The following SHC3 variants were observed in gnomAD, a reference collection of about 807,000 sequenced individuals.
SHC3 encodes the protein SHC-transforming protein 3.
Under a neutral mutation model 60.4 loss-of-function variants are expected in SHC3, and 15 were observed. The observed-to-expected ratio is 0.25, with a 90% CI of 0.17 to 0.38. The LOEUF (loss-of-function observed/expected upper bound fraction) is 0.38, where lower values mean the gene tolerates loss of function less well. Among genes scored for constraint, SHC3 ranks in the 10% least tolerant of loss-of-function variants. The pLI, the probability that SHC3 is intolerant of heterozygous loss-of-function variation, is 1.00. For synonymous variants in SHC3, 294 were observed against 325.9 expected (o/e 0.90, Z 1.05); for missense variants, 677 against 786.1 (o/e 0.86, Z 1.66).
intron 1 of SHC3, among the ~76,000 whole-genome samples, chr9:89,124,989 G>A (rs148198445): frequency 1.1e-3 from 175 of 152,228 alleles, no homozygotes; most frequent in African/African-American, 4.1e-3. Context: ...AAAGACCTTA[G>A]AATTTACTAG....
At chr9:89,050,440 C>G (rs1163263588) in intron 7 of SHC3, among the ~76,000 whole-genome samples, 1 of 152,144 alleles carries the variant, frequency 6.6e-6, no homozygotes, top group Non-Finnish European at 1.5e-5. Flanking sequence ...CATGCATCAC[C>G]ATGCCCAACT....
At position 89,178,200 on chromosome 9, in the gene SHC3, G is replaced by A. The variant is rs552969480; in HGVS notation, c.261C>T (p.Ala87=). Residue 87 remains alanine, a synonymous_variant, in exon 1 of 12, where the codon GCC becomes GCT. Coordinates refer to ENST00000375835, the MANE Select transcript of SHC3 (RefSeq NM_016848.6). The surrounding 1 kb of genome is among the most constrained non-coding windows in gnomAD (Gnocchi z 6.9). ...SSSGLRGLSS[A]ARERAGARLS... ...GCCGCGCGCCCGCCCGCTCCCGGGCGGCCGACGACAGGCCGCGGAGGCCCG... is the reference window on the plus strand; with the variant it reads ...GCCGCGCGCCCGCCCGCTCCCGGGCAGCCGACGACAGGCCGCGGAGGCCCG... 362 of 1,372,420 alleles carry A rather than the reference G, an allele frequency of 2.6e-4. No homozygotes were observed. Among genetic ancestry groups the A allele is most frequent in the African/African-American group, 9.0e-4 (59 of 65,876 alleles). 85.0% of individuals were successfully genotyped at this position (1,372,420 alleles called of 1,614,324 possible).
rs888013382 is a variant in SHC3, at chr9:89,069,705, G to A, written c.783+1494C>T. On this transcript the variant is annotated intron_variant, in intron 5 of 11. Coordinates refer to ENST00000375835, the MANE Select transcript of SHC3 (RefSeq NM_016848.6). Reference sequence around the variant, plus strand: ...GGCCCAAGCCTCTCCACGGCAGCTCGTGCTGGCCCAGGCAGGAGTGATGCC... The same window carrying A: ...GGCCCAAGCCTCTCCACGGCAGCTCATGCTGGCCCAGGCAGGAGTGATGCC... Among the ~76,000 whole-genome samples, 6 of 152,250 alleles carry A rather than the reference G, an allele frequency of 3.9e-5. No individual in the cohort carries two copies. In the South Asian group the frequency reaches 6.2e-4, roughly 16 times the overall value.
Position 89,046,838 on chromosome 9 carries a change from A to T in SHC3, c.1113+6T>A, listed in dbSNP as rs746070531. The T allele has an allele frequency of 6.4e-7, 1 of 1,564,218 alleles. No individual in the cohort carries two copies. Among genetic ancestry groups the T allele is most frequent in the Non-Finnish European group, 8.6e-7 (1 of 1,159,390 alleles). ...CCTTATATAAGAAAAAAACTATAAG[A>T]CTTACCTGGGCTGTGTCAGGAGCAT... On this transcript the variant is annotated splice_donor_region_variant and intron_variant, in intron 8 of 11. Transcript: ENST00000375835.
intron 2 of SHC3, among the ~76,000 whole-genome samples, chr9:89,098,989 T>A (rs1970067): frequency 0.69 from 102,917 of 149,784 alleles, 35,618 homozygotes; most frequent in East Asian, 0.89. Context: ...ATAAATAAAT[T>A]AATTAATTAA....
chr9:89,108,969 C>A (rs773534890), intron 2 of SHC3: 1 of 747,320 alleles, frequency 1.3e-6, no homozygotes, highest in Non-Finnish European at 1.6e-6. Context: ...CATCATTTAA[C>A]TGGGCAGTTG....
Position 89,013,364 on chromosome 9 carries a change from G to A in SHC3, c.*83C>T. 1 of 1,390,074 alleles carries A rather than the reference G, an allele frequency of 7.2e-7. No individual in the cohort carries two copies. The highest frequency in any genetic ancestry group is 9.4e-7 in the Non-Finnish European group (1 of 1,062,816). 86.1% of individuals were successfully genotyped at this position (1,390,074 alleles called of 1,614,324 possible). On this transcript the variant is annotated 3_prime_UTR_variant, in exon 12 of 12. Coordinates refer to ENST00000375835, the MANE Select transcript of SHC3 (RefSeq NM_016848.6). ...AGAAGGCTCTGAGCCACAGGCAGCTGTCCCAGTTCCAGCAGCCCCGATTCT... is the reference window on the plus strand; with the variant it reads ...AGAAGGCTCTGAGCCACAGGCAGCTATCCCAGTTCCAGCAGCCCCGATTCT...
intron 6 of SHC3, among the ~76,000 whole-genome samples, chr9:89,057,224 C>T (rs186047335): frequency 6.6e-4 from 100 of 152,154 alleles, no homozygotes; most frequent in African/African-American, 2.4e-3. Context: ...ACCAGAGAGA[C>T]GAGGGCTCCT....
chr9:89,098,303 A>G (rs1357924906), intron 2 of SHC3, among the ~76,000 whole-genome samples: 1 of 152,254 alleles, frequency 6.6e-6, no homozygotes, highest in African/African-American at 2.4e-5. Context: ...ATGAGGGGAA[A>G]AAAAACCATC....
At chr9:89,022,653 C>T (rs1406646055) in intron 11 of SHC3, among the ~76,000 whole-genome samples, 1 of 152,166 alleles carries the variant, frequency 6.6e-6, no homozygotes, top group East Asian at 1.9e-4. Flanking sequence ...CAAGCATGTA[C>T]AGCTACTGCG....
intron 8 of SHC3, 125 bp from the exon 9 acceptor site, chr9:89,045,958 T>A: frequency 1.2e-6 from 1 of 822,332 alleles, no homozygotes; most frequent in Non-Finnish European, 1.9e-6. Context: ...TTACACCCAA[T>A]TTTCCCTTCA....
chr9:89,067,288 A>G (rs1401267226), intron 5 of SHC3, among the ~76,000 whole-genome samples: 1 of 152,258 alleles, frequency 6.6e-6, no homozygotes, highest in East Asian at 1.9e-4. Flanking sequence ...AGCATCTAAG[A>G]TAGCACTAGA....
rs71507784 is a variant in SHC3 at position 89,013,144 on chromosome 9, A to AT, written c.*302dup. 0.017 allele frequency: 2,815 copies of AT among 167,168 alleles called. 35 individuals carry two copies. Among genetic ancestry groups the AT allele is most frequent in the African/African-American group, 0.036 (1,448 of 39,904 alleles). 10.4% of individuals were successfully genotyped at this position (167,168 alleles called of 1,614,324 possible). ...TGCCTGGACAACTACAGTTAAACTT[A>AT]TTTTTTTTTTTCATTAAAAACATAC... On this transcript the variant is annotated 3_prime_UTR_variant, in exon 12 of 12. Transcript: ENST00000375835.
chr9:89,137,481 T>C (rs1182381370), intron 1 of SHC3, among the ~76,000 whole-genome samples: 1 of 152,140 alleles, frequency 6.6e-6, no homozygotes, highest in East Asian at 1.9e-4. Flanking sequence ...GATGGTACAA[T>C]TGTGGCAGAC....
rs1825165176 is a variant in SHC3, at chr9:89,065,569, G to C, written c.795C>G (p.Asp265Glu). 2 of 1,613,996 alleles carry C rather than the reference G, an allele frequency of 1.2e-6. No homozygotes were observed. The highest frequency in any genetic ancestry group is 3.3e-5 in the Admixed American group (2 of 59,998). Reference protein sequence around the residue: ...FASGGDPDTTDYVAYVAKDPV... With the variant: ...FASGGDPDTTEYVAYVAKDPV... ...GGTCCTTAGCCACATATGCAACATA[G>C]TCAGTTGTGTCCTGTTAAAGAAAAA... The change falls in exon 6 of 12, where the codon GAC (aspartate) becomes GAG (glutamate). Residue 265 changes from aspartate (D) to glutamate (E), a missense_variant. Asp to Glu is a conservative substitution (Grantham distance 45). Transcript: ENST00000375835.
intron 1 of SHC3, among the ~76,000 whole-genome samples, chr9:89,132,239 A>G (rs1206449246): frequency 6.6e-6 from 1 of 152,178 alleles, no homozygotes; most frequent in Non-Finnish European, 1.5e-5. Context: ...ACTACAAACC[A>G]CTGCTCATCG....
chr9:89,101,654 G>A (rs1172729491), intron 2 of SHC3, among the ~76,000 whole-genome samples: 1 of 151,344 alleles, frequency 6.6e-6, no homozygotes, highest in East Asian at 1.9e-4. Context: ...GAATTACACT[G>A]ATTTTTTTTA....
chr9:89,129,940 C>G (rs1486266738), intron 1 of SHC3, among the ~76,000 whole-genome samples: 2 of 152,130 alleles, frequency 1.3e-5, no homozygotes, highest in Non-Finnish European at 2.9e-5. Context: ...GCTACATGCT[C>G]CAATTAAAAG....
chr9:89,034,002 C>T (rs1252283401), intron 11 of SHC3, among the ~76,000 whole-genome samples: 1 of 152,092 alleles, frequency 6.6e-6, no homozygotes, highest in African/African-American at 2.4e-5. Context: ...TCAACAAAAT[C>T]CTAAATAAAA....
Sources: gnomAD v4.1 joint callset for allele counts (sites outside exome capture counted in the v4.1 genomes callset) on GRCh38, gnomAD v4.1.1 for gene constraint, Gnocchi (gnomAD v3.1) non-coding constraint, MANE v1.5 for transcripts, NCBI Gene and HGNC (gene_info 2026-07-23, HGNC 2026-07-21) for gene names.